The following SUPT3H variants were observed in gnomAD, a reference collection of about 807,000 sequenced individuals.
SUPT3H encodes SPT3 homolog, SAGA and STAGA complex component, also known as transcription initiation protein SPT3 homolog.
SUPT3H carries 44 observed loss-of-function variants against 44.3 expected under a neutral mutation model. The ratio of observed to expected loss-of-function variants is 0.99; its 90% CI spans 0.78 to 1.28. The LOEUF is 1.28. Ranked by LOEUF, SUPT3H falls within the 50% of genes most tolerant of loss-of-function variation. SUPT3H has a pLI of 0.00. For missense variants in SUPT3H, 380 were observed against 387.1 expected (o/e 0.98, Z 0.15); for synonymous variants, 124 against 125.6 (o/e 0.99, Z 0.09).
At chr6:45,366,998 T>C (rs914566050) in intron 1 of SUPT3H, among the ~76,000 whole-genome samples, 1 of 152,164 alleles carries the variant, frequency 6.6e-6, no homozygotes, top group Non-Finnish European at 1.5e-5. Context: ...AAAGGGAATC[T>C]AAACCAGGGT....
intron 6 of SUPT3H, among the ~76,000 whole-genome samples, chr6:44,963,823 C>A (rs190981171): frequency 0.018 from 2,693 of 151,892 alleles, 52 homozygotes; most frequent in South Asian, 0.091. Flanking sequence ...CACGGTGAAA[C>A]CCCATCTCTA....
intron 2 of SUPT3H, among the ~76,000 whole-genome samples, chr6:45,210,767 G>T (rs1266462718): frequency 1.3e-5 from 2 of 152,118 alleles, no homozygotes; most frequent in Non-Finnish European, 2.9e-5. Flanking sequence ...ATAGTATAGG[G>T]TAAATGTAAC....
intron 5 of SUPT3H, among the ~76,000 whole-genome samples, chr6:45,009,350 T>C (rs1334062882): frequency 1.3e-5 from 2 of 152,184 alleles, no homozygotes; most frequent in African/African-American, 4.8e-5. Flanking sequence ...CTTTTGCTGT[T>C]TGTGCTTTTG....
chr6:45,210,870 T>C (rs1167880351), intron 2 of SUPT3H, among the ~76,000 whole-genome samples: 1 of 152,208 alleles, frequency 6.6e-6, no homozygotes, highest in Non-Finnish European at 1.5e-5. Flanking sequence ...AGCATGTCTG[T>C]GCTTCCAGTC....
At chr6:44,836,922 C>T (rs1444405253) in intron 10 of SUPT3H, among the ~76,000 whole-genome samples, 2 of 152,152 alleles carry the variant, frequency 1.3e-5, no homozygotes, top group Admixed American at 6.5e-5. Context: ...AACTTGTCTT[C>T]AGCTACTTTT....
intron 2 of SUPT3H, among the ~76,000 whole-genome samples, chr6:45,175,356 GA>G (rs1253748554): frequency 6.6e-6 from 1 of 152,196 alleles, no homozygotes; most frequent in African/African-American, 2.4e-5. Context: ...CAGTCACGGT[GA>G]AAGGCGATGG....
chr6:45,330,981 C>T (rs891868487), intron 2 of SUPT3H, among the ~76,000 whole-genome samples: 8 of 151,918 alleles, frequency 5.3e-5, no homozygotes, highest in Non-Finnish European at 1.0e-4. Context: ...ATCACCACCA[C>T]CTAATGAAAT....
chr6:45,221,943 G>T (rs1766129430), intron 2 of SUPT3H, among the ~76,000 whole-genome samples: 1 of 151,978 alleles, frequency 6.6e-6, no homozygotes, highest in South Asian at 2.1e-4. Flanking sequence ...TAGATCAATA[G>T]AACAGAATAC....
intron 10 of SUPT3H, among the ~76,000 whole-genome samples, chr6:44,860,770 C>T (rs1774518026): frequency 6.6e-6 from 1 of 152,058 alleles, no homozygotes; most frequent in Non-Finnish European, 1.5e-5. Flanking sequence ...AGCAAAGAAA[C>T]TATATGGACT....
At chr6:45,325,538 T>TA (rs143098232) in intron 2 of SUPT3H, among the ~76,000 whole-genome samples, 55 of 152,020 alleles carry the variant, frequency 3.6e-4, no homozygotes, top group African/African-American at 1.3e-3. Flanking sequence ...TCCATGGCAT[T>TA]AAAGTATGTG....
chr6:45,272,387 G>A (rs1047827759), intron 2 of SUPT3H, among the ~76,000 whole-genome samples: 3 of 152,084 alleles, frequency 2.0e-5, no homozygotes, highest in South Asian at 2.1e-4. Context: ...TAAGTGTCAC[G>A]AGATCTGATG....
At chr6:45,361,419 GA>G (rs1794240650) in intron 2 of SUPT3H, among the ~76,000 whole-genome samples, 1 of 152,112 alleles carries the variant, frequency 6.6e-6, no homozygotes, top group Admixed American at 6.5e-5. Flanking sequence ...AAAAGTACAT[GA>G]CAAGGCAAGA....
intron 3 of SUPT3H, among the ~76,000 whole-genome samples, chr6:45,077,647 AG>A (rs1562409152): frequency 1.0e-4 from 9 of 89,308 alleles, no homozygotes; most frequent in South Asian, 4.3e-4. Context: ...AAAAAAGAAA[AG>A]AAAAAAAAAA....
At chr6:44,897,948 TAA>T (rs1260942776) in intron 10 of SUPT3H, among the ~76,000 whole-genome samples, 1 of 152,216 alleles carries the variant, frequency 6.6e-6, no homozygotes, top group African/African-American at 2.4e-5. Flanking sequence ...TACAATTATA[TAA>T]GACATTTGAG....
intron 4 of SUPT3H, among the ~76,000 whole-genome samples, chr6:45,016,593 G>A (rs1301434371): frequency 6.8e-6 from 1 of 147,218 alleles, no homozygotes. Context: ...AACATGCAGT[G>A]TTTGGTTTTT....
intron 2 of SUPT3H, among the ~76,000 whole-genome samples, chr6:45,352,460 G>A (rs1044881443): frequency 2.6e-5 from 4 of 152,060 alleles, no homozygotes; most frequent in Non-Finnish European, 5.9e-5. Context: ...AGGAAAGAAG[G>A]TGAAACATTG....
At chr6:45,344,885 T>C (rs962123123) in intron 2 of SUPT3H, among the ~76,000 whole-genome samples, 2 of 152,164 alleles carry the variant, frequency 1.3e-5, no homozygotes, top group African/African-American at 4.8e-5. Context: ...AATTTTTAAA[T>C]CCCTGAAGTT....
intron 2 of SUPT3H, among the ~76,000 whole-genome samples, chr6:45,156,910 A>G (rs1807917939): frequency 6.6e-6 from 1 of 152,090 alleles, no homozygotes; most frequent in South Asian, 2.1e-4. Flanking sequence ...TAGTGAAAAA[A>G]AAGTGAGACT....
Position 45,030,760 on chromosome 6 carries a change from C to T in SUPT3H, c.187-10128G>A, listed in dbSNP as rs977054485. Among the ~76,000 whole-genome samples the T allele has an allele frequency of 2.6e-5, 4 of 152,108 alleles. No individual in the cohort carries two copies. In the East Asian group the frequency reaches 7.7e-4, roughly 29 times the overall value. The stretch of plus-strand genomic sequence containing the variant: ...CTAATTTTATCTCTATTACTAATTA[C>T]CCTTGTTTTGGCAAAAGCAACTTTA... On this transcript the variant is annotated intron_variant, in intron 3 of 10. Coordinates refer to ENST00000371459, the MANE Select transcript of SUPT3H (RefSeq NM_003599.4).
Sources: allele counts gnomAD v4.1 joint callset (sites outside exome capture counted in the v4.1 genomes callset), GRCh38; gene constraint gnomAD v4.1.1; transcripts MANE v1.5; gene names NCBI Gene and HGNC (gene_info 2026-07-23, HGNC 2026-07-21).